The following GALNT18 variants were observed in gnomAD, a reference collection of about 807,000 sequenced individuals.
GALNT18 encodes the protein GalNAc-transferase 18.
In GALNT18, 44 loss-of-function variants were observed where a neutral mutation model predicts 69.5. The observed-to-expected ratio is 0.63, with a 90% CI of 0.50 to 0.81. The LOEUF is 0.81. GALNT18 is among the 40% of genes least tolerant of loss of function. The pLI, the probability that GALNT18 is intolerant of heterozygous loss-of-function variation, is 0.00. For missense variants in GALNT18, 715 were observed against 810.0 expected (o/e 0.88, Z 1.42); for synonymous variants, 364 against 318.2 (o/e 1.14, Z -1.53).
intron 1 of GALNT18, among the ~76,000 whole-genome samples, chr11:11,522,597 G>A (rs57875683): frequency 4.8e-4 from 73 of 152,244 alleles, no homozygotes; most frequent in African/African-American, 1.6e-3. Context: ...CACATGCCAC[G>A]CTCCTTGGGA....
At chr11:11,331,683 T>A (rs564927074) in intron 8 of GALNT18, among the ~76,000 whole-genome samples, 1 of 152,208 alleles carries the variant, frequency 6.6e-6, no homozygotes, top group South Asian at 2.1e-4. Flanking sequence ...TTAGACTTGG[T>A]TTCACTGCTG....
At position 11,620,330 on chromosome 11, in the gene GALNT18, CG is replaced by C. The variant is rs1860159263; in HGVS notation, c.235+1028del. Among the ~76,000 whole-genome samples the C allele has an allele frequency of 7.6e-6, 1 of 130,846 alleles. No homozygotes were observed. The highest frequency in any genetic ancestry group is 7.4e-5 in the Admixed American group (1 of 13,476). The allele number at this position is 130,846 out of a possible 152,430, so 85.8% of individuals were successfully genotyped here. On this transcript the variant is annotated intron_variant, in intron 1 of 10. Transcript: ENST00000227756. This position sits in a 1 kb window ranked among gnomAD's most constrained non-coding sequence, Gnocchi z 6.9. ...GTGTGGACGTGAGCGCGCGCGCGCG[CG>C]CGTGTGTGTGTGTGTGTGCACACCC...
intron 6 of GALNT18, among the ~76,000 whole-genome samples, chr11:11,370,557 A>G (rs1850877325): frequency 6.6e-6 from 1 of 150,812 alleles, no homozygotes; most frequent in Non-Finnish European, 1.5e-5. Flanking sequence ...ATGACACTTC[A>G]TTTCTGTCAA....
rs1196869544 is a variant in GALNT18, at chr11:11,280,049, T to TG, written c.1678-8760dup. 7.2e-5 allele frequency among the ~76,000 whole-genome samples: 11 copies of TG among 152,116 alleles called. No homozygotes were observed. The East Asian group carries it at 2.1e-3, about 29-fold the overall frequency. ...ACATGGGATTACCGACTTCCTGTGT[T>TG]GGGGAGATGGCCCAGCCGATCACAC... On this transcript the variant is annotated intron_variant, in intron 10 of 10. Coordinates refer to ENST00000227756, the MANE Select transcript of GALNT18 (RefSeq NM_198516.3).
chr11:11,380,806 G>C (rs1230905344), intron 3 of GALNT18, among the ~76,000 whole-genome samples: 2 of 152,172 alleles, frequency 1.3e-5, no homozygotes, highest in Admixed American at 1.3e-4. Context: ...AGGTCAAAGT[G>C]TTTTTGTCCC....
chr11:11,590,838 C>T lies in GALNT18; in HGVS notation c.235+30521G>A, dbSNP rs899912719. On this transcript the variant is annotated intron_variant, in intron 1 of 10. Transcript: ENST00000227756. The surrounding 1 kb of genome is among the most constrained non-coding windows in gnomAD (Gnocchi z 4.4). ...GATGCTTATGTAAACAAACCTACCG[C>T]ACTACCGGTCATATAAAAGTATAGA... 1.3e-5 allele frequency among the ~76,000 whole-genome samples: 2 copies of T among 152,100 alleles called. No homozygotes were observed. Among genetic ancestry groups the T allele is most frequent in the Admixed American group, 1.3e-4 (2 of 15,276 alleles).
intron 3 of GALNT18, among the ~76,000 whole-genome samples, chr11:11,405,665 A>G (rs1854573356): frequency 6.6e-6 from 1 of 152,232 alleles, no homozygotes; most frequent in Non-Finnish European, 1.5e-5. Context: ...GCAGACCACA[A>G]GTGGGGGCCC....
rs568062451 is a variant in GALNT18, at chr11:11,613,460, C to G, written c.235+7899G>C. ...TTACATTCCCTTGCATACTAATATG[C>G]CTTCTCAAGTAGGAAAATAAAGGGT... On this transcript the variant is annotated intron_variant, in intron 1 of 10. Transcript: ENST00000227756. This position sits in a 1 kb window ranked among gnomAD's most constrained non-coding sequence, Gnocchi z 4.2. Among the ~76,000 whole-genome samples, 2 of 152,292 alleles carry G rather than the reference C, an allele frequency of 1.3e-5. No homozygotes were observed. The highest frequency in any genetic ancestry group is 2.9e-5 in the Non-Finnish European group (2 of 68,024).
In GALNT18 at chr11:11,584,256, A is replaced by C. The variant is rs1859162680; in HGVS notation, c.235+37103T>G. ...ACAGGAAGCTCGAGGATAGACACTG[A>C]CCTATGCCAGGAAAGGCCTGGAAGT... is the stretch of plus-strand genomic sequence containing the variant. On this transcript the variant is annotated intron_variant, in intron 1 of 10. Coordinates refer to ENST00000227756, the MANE Select transcript of GALNT18 (RefSeq NM_198516.3). The surrounding 1 kb of genome is among the most constrained non-coding windows in gnomAD (Gnocchi z 4.1). Among the ~76,000 whole-genome samples the C allele has an allele frequency of 6.6e-6, 1 of 152,178 alleles. No homozygotes were observed. The highest frequency in any genetic ancestry group is 2.1e-4 in the South Asian group (1 of 4,832).
chr11:11,272,281 CTT>C (rs1329011156), intron 10 of GALNT18, among the ~76,000 whole-genome samples: 2 of 152,220 alleles, frequency 1.3e-5, no homozygotes, highest in African/African-American at 4.8e-5. Context: ...TTCTACCTCT[CTT>C]GTGTCATGTG....
At chr11:11,401,202 G>A (rs1854460063) in intron 3 of GALNT18, among the ~76,000 whole-genome samples, 1 of 152,176 alleles carries the variant, frequency 6.6e-6, no homozygotes, top group African/African-American at 2.4e-5. Flanking sequence ...TGCAAACCCA[G>A]AAGAGAATCA....
chr11:11,608,788 T>C (rs1859816206), intron 1 of GALNT18, among the ~76,000 whole-genome samples: 1 of 152,168 alleles, frequency 6.6e-6, no homozygotes, highest in Admixed American at 6.5e-5. Flanking sequence ...TCCACCACAC[T>C]CACTGAGACG....
Position 11,448,727 on chromosome 11 carries a change from T to C in GALNT18, c.428+17A>G, listed in dbSNP as rs896871822. On this transcript the variant is annotated intron_variant, in intron 2 of 10. Transcript: ENST00000227756. ...CATAGGCAGGTCGACAAGGGCCCAGTCACTGACTCTGCTCACCCACTGGGT... is the reference window on the plus strand; with the variant it reads ...CATAGGCAGGTCGACAAGGGCCCAGCCACTGACTCTGCTCACCCACTGGGT... The C allele has an allele frequency of 6.2e-7, 1 of 1,600,084 alleles. No homozygotes were observed. The highest frequency in any genetic ancestry group is 8.5e-7 in the Non-Finnish European group (1 of 1,172,118).
At position 11,496,863 on chromosome 11, in the gene GALNT18, C is replaced by A. The variant is rs1274200810; in HGVS notation, c.236-47927G>T. Among the ~76,000 whole-genome samples the A allele has an allele frequency of 6.6e-6, 1 of 152,138 alleles. No homozygotes were observed. Among genetic ancestry groups the A allele is most frequent in the East Asian group, 1.9e-4 (1 of 5,168 alleles). On this transcript the variant is annotated intron_variant, in intron 1 of 10. Transcript: ENST00000227756. This position sits in a 1 kb window ranked among gnomAD's most constrained non-coding sequence, Gnocchi z 4.0. ...AGTTCCCTCACCCCCTGCCACCCATCAACCACAGTAACCAGAGTGAACTTC... is the reference window on the plus strand; with the variant it reads ...AGTTCCCTCACCCCCTGCCACCCATAAACCACAGTAACCAGAGTGAACTTC...
At chr11:11,327,532 C>A (rs1849944538) in intron 8 of GALNT18, among the ~76,000 whole-genome samples, 2 of 152,208 alleles carry the variant, frequency 1.3e-5, no homozygotes, top group Non-Finnish European at 2.9e-5. Context: ...AATCTTTGCT[C>A]TTTAGTGTTG....
chr11:11,492,739 C>T, intron 1 of GALNT18, among the ~76,000 whole-genome samples: 1 of 133,690 alleles, frequency 7.5e-6, no homozygotes, highest in Non-Finnish European at 1.6e-5. Flanking sequence ...CATACCGGGG[C>T]CTTTCGGGGG....
intron 3 of GALNT18, among the ~76,000 whole-genome samples, chr11:11,428,466 T>C (rs1855186287): frequency 6.6e-6 from 1 of 152,266 alleles, no homozygotes; most frequent in East Asian, 1.9e-4. Context: ...CCACTGAGCC[T>C]GCTGCTGCGC....
chr11:11,610,609 A>G (rs1027275548), intron 1 of GALNT18, among the ~76,000 whole-genome samples: 1 of 152,166 alleles, frequency 6.6e-6, no homozygotes, highest in African/African-American at 2.4e-5. Context: ...TTCTTCTAAT[A>G]TAAATCCCCA....
intron 1 of GALNT18, among the ~76,000 whole-genome samples, chr11:11,492,145 C>A (rs1220253248): frequency 6.6e-6 from 1 of 152,170 alleles, no homozygotes; most frequent in Admixed American, 6.5e-5. Flanking sequence ...CAAATTGTAT[C>A]CTCGTGTTTA....
Sources: gnomAD v4.1 joint callset for allele counts (sites outside exome capture counted in the v4.1 genomes callset) on GRCh38, gnomAD v4.1.1 for gene constraint, Gnocchi (gnomAD v3.1) non-coding constraint, MANE v1.5 for transcripts, NCBI Gene and HGNC (gene_info 2026-07-23, HGNC 2026-07-21) for gene names.